The following ARHGEF3 variants were observed in gnomAD, a reference collection of about 807,000 sequenced individuals.
ARHGEF3 encodes Rho guanine nucleotide exchange factor 3, also known as 59.8 kDA protein.
In ARHGEF3, 28 loss-of-function variants were observed where a neutral mutation model predicts 63.2. The observed-to-expected ratio is 0.44, with a 90% CI of 0.33 to 0.61. The LOEUF is 0.61. Among genes scored for constraint, ARHGEF3 ranks in the 20% least tolerant of loss-of-function variants. The pLI, the probability that ARHGEF3 is intolerant of heterozygous loss-of-function variation, is 0.03. For synonymous variants in ARHGEF3, 266 were observed against 254.2 expected (o/e 1.05, Z -0.44); for missense variants, 533 against 659.3 (o/e 0.81, Z 2.10).
intron 2 of ARHGEF3, among the ~76,000 whole-genome samples, chr3:56,765,282 T>C (rs541593246): frequency 2.0e-5 from 3 of 152,286 alleles, no homozygotes; most frequent in African/African-American, 7.2e-5. Flanking sequence ...TTAGTTTCTG[T>C]TTCCAGTGAT....
At chr3:56,967,589 T>G (rs1166469699) in intron 2 of ARHGEF3, among the ~76,000 whole-genome samples, 1 of 86,750 alleles carries the variant, frequency 1.2e-5, no homozygotes, top group Non-Finnish European at 2.0e-5. Context: ...ACATAATATA[T>G]TTAATTATAT....
chr3:57,059,147 T>TA (rs961822597), intron 1 of ARHGEF3, among the ~76,000 whole-genome samples: 9 of 151,796 alleles, frequency 5.9e-5, no homozygotes, highest in Non-Finnish European at 1.0e-4. Context: ...ATAATAATAA[T>TA]AAAAAAAAGA....
chr3:57,035,950 G>A (rs1272295979), intron 1 of ARHGEF3, among the ~76,000 whole-genome samples: 1 of 152,126 alleles, frequency 6.6e-6, no homozygotes, highest in Non-Finnish European at 1.5e-5. Flanking sequence ...TGTTTTATAG[G>A]CCCTGGTTTT....
At chr3:56,783,635 G>A (rs1289125795) in intron 1 of ARHGEF3, among the ~76,000 whole-genome samples, 3 of 152,184 alleles carry the variant, frequency 2.0e-5, no homozygotes, top group African/African-American at 7.2e-5. Context: ...GTAAAATACA[G>A]GACTCTGAGA....
At chr3:56,778,933 A>G (rs1241761963) in intron 1 of ARHGEF3, among the ~76,000 whole-genome samples, 1 of 152,164 alleles carries the variant, frequency 6.6e-6, no homozygotes, top group Non-Finnish European at 1.5e-5. Flanking sequence ...TTCGGTCTTC[A>G]GGCCATAGTT....
At chr3:56,992,236 G>A (rs1445909015) in intron 2 of ARHGEF3, among the ~76,000 whole-genome samples, 1 of 151,866 alleles carries the variant, frequency 6.6e-6, no homozygotes, top group African/African-American at 2.4e-5. Context: ...CCCAGGCTAA[G>A]TATATATTTG....
chr3:56,888,692 C>G (rs1033027414), intron 3 of ARHGEF3, among the ~76,000 whole-genome samples: 3 of 152,094 alleles, frequency 2.0e-5, no homozygotes. Context: ...CACCTGCGGT[C>G]AGGAGTTCCA....
chr3:56,763,209 G>A (rs934144559), intron 2 of ARHGEF3, among the ~76,000 whole-genome samples: 2 of 152,152 alleles, frequency 1.3e-5, no homozygotes, highest in African/African-American at 4.8e-5. Context: ...GTTGTAGTGA[G>A]GATTGGATAA....
chr3:56,860,071 G>A (rs1467070784), intron 4 of ARHGEF3, among the ~76,000 whole-genome samples: 3 of 151,838 alleles, frequency 2.0e-5, no homozygotes, highest in African/African-American at 4.8e-5. Flanking sequence ...TAGATAGATC[G>A]ATAGATAGAT....
intron 1 of ARHGEF3, among the ~76,000 whole-genome samples, chr3:57,061,795 T>A (rs573849687): frequency 6.6e-6 from 1 of 152,360 alleles, no homozygotes; most frequent in South Asian, 2.1e-4. Context: ...TTTTATTAAC[T>A]CATTTAGTCC....
rs115559997 is a variant in ARHGEF3, at chr3:56,853,813, G to A, written c.192+28479C>T. 3.4e-3 allele frequency among the ~76,000 whole-genome samples: 510 copies of A among 152,218 alleles called. 2 individuals are homozygous for A. The highest frequency in any genetic ancestry group is 4.3e-3 in the Non-Finnish European group (290 of 68,012). On this transcript the variant is annotated intron_variant, in intron 4 of 12. Coordinates refer to the ARHGEF3 transcript ENST00000338458. ...TGCCAGGCTTTGCAGGCACTTACACGCCAAGTAAGAACATGGGCTCCTATG... is the reference window on the plus strand; with the variant it reads ...TGCCAGGCTTTGCAGGCACTTACACACCAAGTAAGAACATGGGCTCCTATG...
intron 3 of ARHGEF3, chr3:56,882,502 A>ACACTTCTTTTTTTTTTTTTTTTTTTTTTT (rs2040800692): frequency 1.7e-6 from 1 of 573,814 alleles, no homozygotes; most frequent in Non-Finnish European, 3.0e-6. Flanking sequence ...ATGTAAATGA[A>ACACTTCTTTTTTTTTTTTTTTTTTTTTTT]CACTTCTTTT....
chr3:56,966,169 T>G (rs2106792289), intron 2 of ARHGEF3, among the ~76,000 whole-genome samples: 1 of 152,310 alleles, frequency 6.6e-6, no homozygotes, highest in East Asian at 1.9e-4. Context: ...CGGAGAGGAA[T>G]GATTACCTCC....
chr3:56,733,084 C>A (rs528907631), intron 8 of ARHGEF3, among the ~76,000 whole-genome samples: 1 of 150,254 alleles, frequency 6.7e-6, no homozygotes, highest in South Asian at 2.1e-4. Flanking sequence ...GAGATACAGA[C>A]CATCCTGGCT....
chr3:56,916,521 C>A, intron 3 of ARHGEF3: 13 of 1,359,994 alleles, frequency 9.6e-6, no homozygotes, highest in Non-Finnish European at 1.2e-5. Context: ...GGCTGAGAGC[C>A]GCACCAGTCA....
chr3:57,040,110 G>A (rs72874132), intron 1 of ARHGEF3, among the ~76,000 whole-genome samples: 20 of 152,302 alleles, frequency 1.3e-4, no homozygotes, highest in African/African-American at 4.8e-4. Context: ...CAACAAGAAA[G>A]ACACTCAGAA....
At chr3:56,778,028 T>G (rs973171931) in intron 1 of ARHGEF3, among the ~76,000 whole-genome samples, 1 of 152,214 alleles carries the variant, frequency 6.6e-6, no homozygotes, top group African/African-American at 2.4e-5. Flanking sequence ...GTGTGGAAAC[T>G]GTACTCCCAA....
intron 2 of ARHGEF3, among the ~76,000 whole-genome samples, chr3:56,995,569 A>G (rs1446463759): frequency 6.6e-6 from 1 of 150,688 alleles, no homozygotes; most frequent in East Asian, 2.0e-4. Flanking sequence ...GACTGGACTC[A>G]AAGAGGTATT....
chr3:57,066,922 C>A (rs1705570847), intron 1 of ARHGEF3, among the ~76,000 whole-genome samples: 1 of 152,090 alleles, frequency 6.6e-6, no homozygotes, highest in African/African-American at 2.4e-5. Context: ...CACCTGGCCT[C>A]CACAATCACA....
Sources: allele counts gnomAD v4.1 joint callset (sites outside exome capture counted in the v4.1 genomes callset), GRCh38; gene constraint gnomAD v4.1.1; transcripts MANE v1.5; gene names NCBI Gene and HGNC (gene_info 2026-07-23, HGNC 2026-07-21).